SETD3: variants seen among roughly 807,000 people sequenced by gnomAD.
The protein encoded by SETD3 is SET domain containing 3, actin N3(tau)-histidine methyltransferase, also known as actin-histidine N-methyltransferase.
In SETD3, 19 loss-of-function variants were observed where a neutral mutation model predicts 63.0. The ratio of observed to expected loss-of-function variants is 0.30; its 90% CI spans 0.21 to 0.44. SETD3 has a LOEUF of 0.44. Ranked by LOEUF, SETD3 falls within the 20% of genes least tolerant of loss-of-function variation. SETD3 has a pLI of 1.00. For synonymous variants in SETD3, 286 were observed against 264.1 expected, an observed-to-expected ratio of 1.08 and a Z score of -0.80; for missense variants, 587 against 728.5, an observed-to-expected ratio of 0.81 and a Z score of 2.24.
At chr14:99,450,028 G>A (rs1172749099) in intron 6 of SETD3, among the ~76,000 whole-genome samples, 1 of 152,214 alleles carries the variant, frequency 6.6e-6, no homozygotes, top group Non-Finnish European at 1.5e-5. Flanking sequence ...AACTCAGAGT[G>A]ACAATCTGCA....
chr14:99,462,451 C>G (rs982455459), intron 3 of SETD3, among the ~76,000 whole-genome samples: 2 of 152,130 alleles, frequency 1.3e-5, no homozygotes, highest in African/African-American at 4.8e-5. Flanking sequence ...AGAGGGCATG[C>G]TGGATATGCG....
intron 6 of SETD3, among the ~76,000 whole-genome samples, chr14:99,454,792 G>A (rs1191998004): frequency 2.0e-5 from 3 of 152,104 alleles, no homozygotes; most frequent in East Asian, 3.9e-4. Context: ...ATTTCAGCCC[G>A]AGCAGGCTGG....
chr14:99,472,810 A>G (rs1465418290), intron 1 of SETD3, among the ~76,000 whole-genome samples: 1 of 152,244 alleles, frequency 6.6e-6, no homozygotes, highest in Non-Finnish European at 1.5e-5. Flanking sequence ...AATTATCTTA[A>G]AGAAAACAGG....
At chr14:99,439,631 AT>A (rs961785515) in intron 6 of SETD3, among the ~76,000 whole-genome samples, 8 of 147,858 alleles carry the variant, frequency 5.4e-5, no homozygotes, top group South Asian at 2.1e-4. Context: ...ACATATTTAT[AT>A]TTTTATATAT....
chr14:99,419,964 C>T (rs1057487372), intron 6 of SETD3, among the ~76,000 whole-genome samples: 6 of 152,178 alleles, frequency 3.9e-5, no homozygotes, highest in Non-Finnish European at 7.3e-5. Context: ...TCATTCAACA[C>T]ATACTTCATT....
At chr14:99,413,234 G>A in intron 7 of SETD3, 169 bp from the exon 8 acceptor site, 2 of 578,392 alleles carry the variant, frequency 3.5e-6, no homozygotes, top group Non-Finnish European at 6.2e-6. Flanking sequence ...CAAACCCAGG[G>A]TTTGAAAGAG....
intron 6 of SETD3, among the ~76,000 whole-genome samples, chr14:99,455,757 G>C (rs546534131): frequency 6.6e-6 from 1 of 152,190 alleles, no homozygotes; most frequent in South Asian, 2.1e-4. Flanking sequence ...TCTGACATTT[G>C]GGGCTGGAAA....
intron 11 of SETD3, among the ~76,000 whole-genome samples, chr14:99,402,948 G>T (rs1337507403): frequency 6.6e-6 from 1 of 152,090 alleles, no homozygotes; most frequent in African/African-American, 2.4e-5. Context: ...ATTCAATTCT[G>T]TATCCATATA....
chr14:99,405,519 A>T, intron 9 of SETD3, 148 bp from the exon 10 acceptor site: 1 of 910,262 alleles, frequency 1.1e-6, no homozygotes, highest in Non-Finnish European at 1.6e-6. Context: ...ATAGGTTGCA[A>T]GGGTGAAGCT....
chr14:99,449,248 TAGATACAAAAACC>T (rs1484513717), intron 6 of SETD3, among the ~76,000 whole-genome samples: 1 of 152,158 alleles, frequency 6.6e-6, no homozygotes, highest in Non-Finnish European at 1.5e-5. Flanking sequence ...AAAATCATGA[TAGATACAAAAACC>T]AGTATCTATC....
chr14:99,406,672 T>A lies in SETD3; in HGVS notation c.850-82A>T. 7.1e-6 allele frequency: 10 copies of A among 1,412,708 alleles called. No homozygotes were observed. The Admixed American group carries it at 7.2e-5, about 10-fold the overall frequency. 87.5% of individuals were successfully genotyped at this position (1,412,708 alleles called of 1,614,324 possible). On this transcript the variant is annotated intron_variant, in intron 8 of 12. Coordinates refer to ENST00000331768, the MANE Select transcript of SETD3 (RefSeq NM_032233.3). ...TAATCTACAAGCTTGTTTCTGGCAA[T>A]CAGAGGAAAAAGGGGATCCCAAGGT...
chr14:99,419,989 G>A (rs548708262), intron 6 of SETD3, among the ~76,000 whole-genome samples: 1 of 152,246 alleles, frequency 6.6e-6, no homozygotes, highest in African/African-American at 2.4e-5. Context: ...GAGCACCTCC[G>A]AAGTGGAAGG....
At chr14:99,480,159 G>A (rs1398255418) in intron 1 of SETD3, among the ~76,000 whole-genome samples, 1 of 152,226 alleles carries the variant, frequency 6.6e-6, no homozygotes, top group African/African-American at 2.4e-5. Flanking sequence ...GGAGGCGGGG[G>A]CTGGTCCCCG....
At position 99,458,290 on chromosome 14, in the gene SETD3, T is replaced by C. The variant is rs1392005994; in HGVS notation, c.664A>G (p.Lys222Glu). Reference sequence around the variant, plus strand: ...AAACAGCTGCTCACCTGGATGACTTTATAGAAGTAGGCGTACTGTCGAGCT... The same window carrying C: ...AAACAGCTGCTCACCTGGATGACTTCATAGAAGTAGGCGTACTGTCGAGCT... ...NTARQYAYFY[K>E]VIQTHPHANK... Residue 222 changes from lysine to glutamate, a missense_variant, in exon 6 of 13, where the codon AAA becomes GAA. Transcript: ENST00000331768. 1.2e-6 allele frequency: 2 copies of C among 1,613,084 alleles called. No individual in the cohort carries two copies. Among genetic ancestry groups the C allele is most frequent in the Non-Finnish European group, 1.7e-6 (2 of 1,179,120 alleles).
chr14:99,405,060 T>G (rs1891605719), intron 10 of SETD3, 145 bp downstream of exon 10: 1 of 1,158,730 alleles, frequency 8.6e-7, no homozygotes, highest in Non-Finnish European at 1.2e-6. Flanking sequence ...AGCGTCGCCA[T>G]GGCTTAAATT....
At chr14:99,465,885 C>A in intron 1 of SETD3, 72 bp from the exon 2 acceptor site, 1 of 918,944 alleles carries the variant, frequency 1.1e-6, no homozygotes. Context: ...AAAACATGTC[C>A]AACACATGGC....
intron 6 of SETD3, among the ~76,000 whole-genome samples, chr14:99,414,864 C>T (rs932819938): frequency 2.0e-5 from 3 of 152,200 alleles, no homozygotes; most frequent in Non-Finnish European, 2.9e-5. Flanking sequence ...CGGGTCTCCG[C>T]ACCACTTTTA....
upstream of SETD3, among the ~76,000 whole-genome samples, chr14:99,485,107 G>A (rs1409708951): frequency 2.6e-5 from 4 of 152,180 alleles, no homozygotes; most frequent in Non-Finnish European, 2.9e-5. Context: ...GGAGTTCTAC[G>A]ATTTTGAGGA....
intron 8 of SETD3, 122 bp downstream of exon 8, chr14:99,412,829 T>C: frequency 2.9e-6 from 2 of 701,114 alleles, no homozygotes; most frequent in Middle Eastern, 3.8e-4. Flanking sequence ...CGGTTTTGTT[T>C]GTTCCTTTTG....
Sources: allele counts gnomAD v4.1 joint callset (sites outside exome capture counted in the v4.1 genomes callset), GRCh38; gene constraint gnomAD v4.1.1; transcripts MANE v1.5; gene names NCBI Gene and HGNC (gene_info 2026-07-23, HGNC 2026-07-21).